The following CRISP2 variants were observed in gnomAD, a reference collection of about 807,000 sequenced individuals.
CRISP2 encodes the protein cysteine rich secretory protein 2.
In CRISP2, 29 loss-of-function variants were observed where a neutral mutation model predicts 31.7. The observed-to-expected ratio is 0.92, with a 90% confidence interval of 0.68 to 1.25. The LOEUF is 1.25. Among genes scored for constraint, CRISP2 ranks in the 50% most tolerant of loss-of-function variants. The probability of loss-of-function intolerance (pLI) is 0.00; values close to 1 mark genes in which losing one functional copy is unlikely to be tolerated. For synonymous variants in CRISP2, 111 were observed against 101.4 expected (o/e 1.09, Z -0.57); for missense variants, 318 against 286.5 (o/e 1.11, Z -0.79).
intron 8 of CRISP2, among the ~76,000 whole-genome samples, chr6:49,696,716 T>C (rs908555542): frequency 4.6e-5 from 7 of 152,128 alleles, no homozygotes; most frequent in African/African-American, 1.7e-4. Flanking sequence ...TTAAATTCAT[T>C]TAAAATTATG....
intron 4 of CRISP2, among the ~76,000 whole-genome samples, chr6:49,701,621 TAC>T (rs1466390102): frequency 1.2e-5 from 1 of 80,244 alleles, no homozygotes; most frequent in Non-Finnish European, 2.3e-5. Flanking sequence ...TATATATATA[TAC>T]ATTATATATG....
chr6:49,699,778 C>A, intron 6 of CRISP2, 26 bp downstream of exon 6: 1 of 1,457,512 alleles, frequency 6.9e-7, no homozygotes, highest in South Asian at 1.2e-5. Context: ...TTTATTTATT[C>A]AACAAATATT....
the CRISP2 span, among the ~76,000 whole-genome samples, chr6:49,685,437 T>C: frequency 1.3e-5 from 2 of 152,200 alleles, no homozygotes. Context: ...GCTCTGTTTA[T>C]CTTTGTATGT....
the CRISP2 span, among the ~76,000 whole-genome samples, chr6:49,683,207 T>A: frequency 6.7e-6 from 1 of 149,500 alleles, no homozygotes; most frequent in Non-Finnish European, 1.5e-5. Flanking sequence ...AATAGAGACA[T>A]GCAGTGTATA....
At chr6:49,701,498 GTGTATATATATATA>G (rs1163577213) in intron 4 of CRISP2, among the ~76,000 whole-genome samples, 3 of 62,052 alleles carry the variant, frequency 4.8e-5, no homozygotes, top group Admixed American at 3.6e-4. Flanking sequence ...GTGTGTGTGT[GTGTATATATATATA>G]TATATATATA....
chr6:49,697,694 TCTC>T (rs778027003), intron 8 of CRISP2, 163 bp downstream of exon 8: 12 of 1,514,576 alleles, frequency 7.9e-6, no homozygotes, highest in South Asian at 3.6e-5. Flanking sequence ...GAGAAGTTGT[TCTC>T]CTCTGAGAAG....
In CRISP2 at chr6:49,699,975, T is replaced by G. The variant is rs933839627; in HGVS notation, c.184-84A>C. 9 of 1,236,752 alleles carry G rather than the reference T, an allele frequency of 7.3e-6. No individual in the cohort carries two copies. The African/African-American group carries it at 1.2e-4, about 17-fold the overall frequency. The allele number at this position is 1,236,752 out of a possible 1,614,324, so 76.6% of individuals were successfully genotyped here. A position where few individuals can be genotyped will look rare whatever the true frequency, so the allele number is the denominator to read the frequency against. On this transcript the variant is annotated intron_variant, in intron 5 of 9. Coordinates refer to ENST00000339139, the MANE Select transcript of CRISP2 (RefSeq NM_003296.4). ...TTTATAATCTGATTTGTAAATACTT[T>G]AAAATTTCTGTAGATGTATTCTCTA...
At chr6:49,690,970 C>G (rs1478422012), downstream of CRISP2, among the ~76,000 whole-genome samples, 1 of 150,492 alleles carries the variant, frequency 6.6e-6, no homozygotes, top group Non-Finnish European at 1.5e-5. Context: ...TTTTTTTAAC[C>G]AGTCACTAGA....
At chr6:49,702,047 T>G (rs1326914703) in intron 4 of CRISP2, among the ~76,000 whole-genome samples, 5 of 115,000 alleles carry the variant, frequency 4.3e-5, no homozygotes, top group Non-Finnish European at 6.8e-5. Context: ...TATATAAGTT[T>G]ATATTATATA....
At chr6:49,704,619 G>A (rs766539568) in intron 4 of CRISP2, among the ~76,000 whole-genome samples, 20 of 152,206 alleles carry the variant, frequency 1.3e-4, no homozygotes, top group African/African-American at 3.4e-4. Flanking sequence ...ATTGCTCTTC[G>A]GGGTCTAGCG....
At chr6:49,694,375 T>G (rs889569414) in intron 9 of CRISP2, among the ~76,000 whole-genome samples, 1 of 152,210 alleles carries the variant, frequency 6.6e-6, no homozygotes, top group African/African-American at 2.4e-5. Flanking sequence ...TACTGGGACT[T>G]GAGTCTGTCC....
chr6:49,683,106 T>C, the CRISP2 span, among the ~76,000 whole-genome samples: 5 of 151,504 alleles, frequency 3.3e-5, no homozygotes, highest in Admixed American at 3.3e-4. Context: ...TGTAGAGAGC[T>C]GAGATCACGC....
chr6:49,699,218 G>T (rs1310652628), intron 6 of CRISP2, among the ~76,000 whole-genome samples: 1 of 151,758 alleles, frequency 6.6e-6, no homozygotes, highest in African/African-American at 2.4e-5. Context: ...ATACTTGCTA[G>T]TCTGATATTA....
At position 49,692,753 on chromosome 6, in the gene CRISP2, C is replaced by T. The variant is rs1164991534; in HGVS notation, c.*20G>A. 3.1e-6 allele frequency: 5 copies of T among 1,607,828 alleles called. No individual in the cohort carries two copies. The Admixed American group carries it at 5.0e-5, about 16-fold the overall frequency. The stretch of plus-strand genomic sequence containing the variant: ...TGCAGCCCTTATCCATGCAGTCTTG[C>T]ACAATGCTCACTAGGTAAATCAGTA... On this transcript the variant is annotated 3_prime_UTR_variant, in exon 10 of 10. Coordinates refer to ENST00000339139, the MANE Select transcript of CRISP2 (RefSeq NM_003296.4).
At chr6:49,698,234 A>G (rs1193038676) in intron 7 of CRISP2, 128 bp downstream of exon 7, 1 of 1,111,116 alleles carries the variant, frequency 9.0e-7, no homozygotes, top group South Asian at 1.5e-5. Flanking sequence ...ACAACAGCCA[A>G]ATGCCAAGAC....
At chr6:49,709,975 AAAC>A (rs1350854647) in intron 3 of CRISP2, among the ~76,000 whole-genome samples, 11 of 152,220 alleles carry the variant, frequency 7.2e-5, no homozygotes, top group African/African-American at 1.2e-4. Context: ...CCTTCAGATG[AAAC>A]AACAAGACCA....
chr6:49,704,848 T>G (rs952506905), intron 4 of CRISP2, among the ~76,000 whole-genome samples: 6 of 152,184 alleles, frequency 3.9e-5, no homozygotes, highest in African/African-American at 1.4e-4. Context: ...GAAGTTGTCA[T>G]GTGGACAGTC....
At chr6:49,679,689 G>GTTTT in the CRISP2 span, among the ~76,000 whole-genome samples, 105 of 150,556 alleles carry the variant, frequency 7.0e-4, 1 homozygote, top group East Asian at 2.4e-3. Context: ...CAGTGTTGTT[G>GTTTT]TTTTTTTTTG....
chr6:49,677,305 A>G, the CRISP2 span, among the ~76,000 whole-genome samples: 1 of 152,174 alleles, frequency 6.6e-6, no homozygotes, highest in Non-Finnish European at 1.5e-5. Context: ...TGCCCCAAGC[A>G]TTTAGGATAT....
Sources: allele counts gnomAD v4.1 joint callset (sites outside exome capture counted in the v4.1 genomes callset), GRCh38; gene constraint gnomAD v4.1.1; transcripts MANE v1.5; gene names NCBI Gene and HGNC (gene_info 2026-07-23, HGNC 2026-07-21).